The following PCDH19 variants were observed in gnomAD, a reference collection of about 807,000 sequenced individuals.
The protein encoded by PCDH19 is protocadherin-19.
In PCDH19, 6 loss-of-function variants were observed where a neutral mutation model predicts 46.2. That is an observed-to-expected ratio of 0.13 (90% CI 0.07 to 0.26). The LOEUF (loss-of-function observed/expected upper bound fraction) is 0.26, where lower values mean the gene tolerates loss of function less well. PCDH19 is among the 10% of genes least tolerant of loss of function. PCDH19 has a pLI of 1.00. For missense variants in PCDH19, 740 were observed against 972.3 expected (o/e 0.76, Z 3.18); for synonymous variants, 481 against 415.7 (o/e 1.16, Z -1.91).
Position 100,409,020 on chromosome X carries a change from G to A in PCDH19, c.-423C>T, listed in dbSNP as rs111823340. The A allele has an allele frequency of 0.3, 33,868 of 112,361 alleles. 4,581 individuals are homozygous for A. The highest frequency in any genetic ancestry group is 0.69 in the East Asian group (2,374 of 3,448). 9.3% of individuals were successfully genotyped at this position (112,361 alleles called of 1,213,427 possible). A position where few individuals can be genotyped will look rare whatever the true frequency, so the allele number is the denominator to read the frequency against. On this transcript the variant is annotated 5_prime_UTR_variant, in exon 1 of 6. Transcript: ENST00000373034. ...CAGTACTTGAGGCGAAGGTAAAGAGGGCGGAGGAGGCGCAGCCTTTCAGGC... is the reference window on the plus strand; with the variant it reads ...CAGTACTTGAGGCGAAGGTAAAGAGAGCGGAGGAGGCGCAGCCTTTCAGGC...
At chrX:100,387,297 A>C (rs990120920) in intron 3 of PCDH19, among the ~76,000 whole-genome samples, 1 of 112,053 alleles carries the variant, frequency 8.9e-6, no homozygotes, top group Non-Finnish European at 1.9e-5. Context: ...GATTGAACCC[A>C]TTCTAATTTG....
At chrX:100,372,183 C>T (rs1927249644) in intron 3 of PCDH19, among the ~76,000 whole-genome samples, 1 of 111,489 alleles carries the variant, frequency 9.0e-6, no homozygotes, top group Non-Finnish European at 1.9e-5. Context: ...GCTCAGTGAG[C>T]CAAGATCACA....
In PCDH19 at chrX:100,403,376, TAGG is replaced by T. The variant is rs199510440; in HGVS notation, c.2288+145_2288+147del. ...TCACTCGATCAGTTTTGGACTGGGG[TAGG>T]AGATCAGACCCCATTCTTTCGCGTC... is the stretch of plus-strand genomic sequence containing the variant. On this transcript the variant is annotated intron_variant, in intron 2 of 5. Coordinates refer to ENST00000373034, the MANE Select transcript of PCDH19 (RefSeq NM_001184880.2). 3.4e-3 allele frequency: 1,711 copies of T among 505,394 alleles called. 19 individuals are homozygous for T. The African/African-American group carries it at 0.035, about 10-fold the overall frequency. The allele number at this position is 505,394 out of a possible 1,213,427, so 41.7% of individuals were successfully genotyped here. A position where few individuals can be genotyped will look rare whatever the true frequency, so the allele number is the denominator to read the frequency against.
chrX:100,392,615 C>G (rs1474568706), intron 3 of PCDH19, among the ~76,000 whole-genome samples: 4 of 111,683 alleles, frequency 3.6e-5, no homozygotes, highest in African/African-American at 1.3e-4. Flanking sequence ...AAGAAATGAT[C>G]AGAACAGCAA....
At chrX:100,297,879 A>C (rs1306969557) in intron 5 of PCDH19, among the ~76,000 whole-genome samples, 1 of 111,167 alleles carries the variant, frequency 9.0e-6, no homozygotes, top group Non-Finnish European at 1.9e-5. Flanking sequence ...TTATAGCCCT[A>C]GTTTTCCAGA....
chrX:100,377,252 T>C (rs927972225), intron 3 of PCDH19, among the ~76,000 whole-genome samples: 12 of 111,127 alleles, frequency 1.1e-4, no homozygotes, highest in Admixed American at 1.1e-3. Context: ...GGTAAAAGGG[T>C]TTTTTTTCAC....
At position 100,410,248 on chromosome X, in the gene PCDH19, T is replaced by A; in HGVS notation, c.-1651A>T. On this transcript the variant is annotated 5_prime_UTR_variant, in exon 1 of 6. Coordinates refer to ENST00000373034, the MANE Select transcript of PCDH19 (RefSeq NM_001184880.2). Reference sequence around the variant, plus strand: ...CAGCCGCCGCCGCTACTGCTGCTGCTGCTCCTCCGGATGCCGCAAACTACT... The same window carrying A: ...CAGCCGCCGCCGCTACTGCTGCTGCAGCTCCTCCGGATGCCGCAAACTACT... The A allele has an allele frequency of 3.3e-6, 1 of 298,863 alleles. No individual in the cohort carries two copies. The highest frequency in any genetic ancestry group is 5.8e-6 in the Non-Finnish European group (1 of 171,249). 24.6% of individuals were successfully genotyped at this position (298,863 alleles called of 1,213,427 possible).
chrX:100,379,359 A>G (rs1438583732), intron 3 of PCDH19, among the ~76,000 whole-genome samples: 1 of 98,973 alleles, frequency 1.0e-5, no homozygotes, highest in Non-Finnish European at 2.1e-5. Flanking sequence ...ATTTCCTCCC[A>G]GCTCTCAGGA....
chrX:100,363,182 T>C (rs1169502769), intron 3 of PCDH19, among the ~76,000 whole-genome samples: 1 of 110,233 alleles, frequency 9.1e-6, no homozygotes, highest in African/African-American at 3.3e-5. Flanking sequence ...CGCATGCCTG[T>C]AATCCCAGCT....
At chrX:100,369,317 A>G (rs948664384) in intron 3 of PCDH19, among the ~76,000 whole-genome samples, 1 of 111,557 alleles carries the variant, frequency 9.0e-6, no homozygotes, top group African/African-American at 3.3e-5. Flanking sequence ...CCATCAGTCC[A>G]TCTTTTCTAG....
At chrX:100,400,499 C>G (rs1928146414) in intron 3 of PCDH19, among the ~76,000 whole-genome samples, 1 of 112,499 alleles carries the variant, frequency 8.9e-6, no homozygotes, top group African/African-American at 3.2e-5. Flanking sequence ...TCTGATTCCA[C>G]TACACACCAC....
chrX:100,406,877 T>A lies in PCDH19; in HGVS notation c.1721A>T (p.Glu574Val). ...TAPPLINGTA[E>V]VYIPRNSGIG... The stretch of plus-strand genomic sequence containing the variant: ...GCCAGAGTTGCGGGGTATGTAGACC[T>A]CGGCAGTGCCGTTAATCAGAGGTGG... Residue 574 changes from glutamate to valine, a missense_variant, in exon 1 of 6, where the codon GAG becomes GTG. By Grantham distance (121) the Glu-to-Val change is moderately radical. Transcript: ENST00000373034. 8 of 1,211,837 alleles carry A rather than the reference T, an allele frequency of 6.6e-6. No individual in the cohort carries two copies. The highest frequency in any genetic ancestry group is 8.9e-6 in the Non-Finnish European group (8 of 895,510).
At chrX:100,330,306 G>A (rs1268127896) in intron 5 of PCDH19, among the ~76,000 whole-genome samples, 2 of 111,748 alleles carry the variant, frequency 1.8e-5, no homozygotes, top group Admixed American at 1.9e-4. Context: ...CACACAGGTT[G>A]GAAACTCCAT....
chrX:100,346,152 C>A (rs1348290029), intron 4 of PCDH19, among the ~76,000 whole-genome samples: 2 of 111,874 alleles, frequency 1.8e-5, no homozygotes, highest in South Asian at 7.5e-4. Flanking sequence ...TTGAAAACAC[C>A]TAGAACAGGG....
intron 5 of PCDH19, among the ~76,000 whole-genome samples, chrX:100,300,774 T>C (rs1194468510): frequency 9.3e-6 from 1 of 107,779 alleles, no homozygotes; most frequent in Non-Finnish European, 1.9e-5. Flanking sequence ...AACTCCTTAG[T>C]TCAAAACAAA....
chrX:100,296,939 G>C, intron 5 of PCDH19, 64 bp from the exon 6 acceptor site: 1 of 1,035,293 alleles, frequency 9.7e-7, no homozygotes, highest in Non-Finnish European at 1.4e-6. Flanking sequence ...TTACTCCCCA[G>C]TGTTCTGGTT....
chrX:100,376,235 C>CAAAAAAAAAAAAAAAAA (rs1171817638), intron 3 of PCDH19, among the ~76,000 whole-genome samples: 14 of 32,838 alleles, frequency 4.3e-4, no homozygotes, highest in South Asian at 1.9e-3. Context: ...AACTCCGTCT[C>CAAAAAAAAAAAAAAAAA]AAAAAAAAAA....
At chrX:100,298,009 C>T (rs1002160801) in intron 5 of PCDH19, among the ~76,000 whole-genome samples, 1 of 109,831 alleles carries the variant, frequency 9.1e-6, no homozygotes, top group East Asian at 2.8e-4. Flanking sequence ...CTTATATATA[C>T]ATATGTATAT....
At chrX:100,324,259 TA>T (rs1925610807) in intron 5 of PCDH19, among the ~76,000 whole-genome samples, 1 of 112,378 alleles carries the variant, frequency 8.9e-6, no homozygotes, top group Admixed American at 9.4e-5. Context: ...TTCTTAGTTT[TA>T]ACAATAATTT....
Sources: allele counts gnomAD v4.1 joint callset (sites outside exome capture counted in the v4.1 genomes callset), GRCh38; gene constraint gnomAD v4.1.1; transcripts MANE v1.5; gene names NCBI Gene and HGNC (gene_info 2026-07-23, HGNC 2026-07-21).